Variants in ZDHHC14 observed in about 807,000 individuals in gnomAD.
ZDHHC14 encodes the protein palmitoyltransferase ZDHHC14.
ZDHHC14 carries 16 observed loss-of-function variants against 47.7 expected under a neutral mutation model. The ratio of observed to expected loss-of-function variants is 0.34; its 90% CI spans 0.23 to 0.51. The LOEUF is 0.51. ZDHHC14 is among the 20% of genes least tolerant of loss of function. ZDHHC14 has a pLI of 0.97. For missense variants in ZDHHC14, 515 were observed against 662.5 expected (o/e 0.78, Z 2.44); for synonymous variants, 293 against 278.9 (o/e 1.05, Z -0.50).
chr6:157,511,479 C>T (rs894066108), intron 1 of ZDHHC14, among the ~76,000 whole-genome samples: 4 of 150,958 alleles, frequency 2.6e-5, no homozygotes, highest in African/African-American at 9.8e-5. Context: ...CTCCCGGGTT[C>T]AAGCGATTCT....
chr6:157,423,436 CA>C (rs1186698846), intron 1 of ZDHHC14, among the ~76,000 whole-genome samples: 90 of 152,158 alleles, frequency 5.9e-4, no homozygotes, highest in African/African-American at 2.1e-3. Flanking sequence ...GGTATAATAA[CA>C]TTATCCCTAG....
intron 1 of ZDHHC14, among the ~76,000 whole-genome samples, chr6:157,398,963 T>A (rs1777576995): frequency 6.6e-6 from 1 of 152,220 alleles, no homozygotes. Flanking sequence ...AAAAATGATT[T>A]TACTTGAAAT....
At chr6:157,431,929 A>G (rs1778346936) in intron 1 of ZDHHC14, among the ~76,000 whole-genome samples, 1 of 152,042 alleles carries the variant, frequency 6.6e-6, no homozygotes, top group Non-Finnish European at 1.5e-5. Context: ...GGGTTTTGCC[A>G]CGTTGCCCAG....
intron 7 of ZDHHC14, among the ~76,000 whole-genome samples, chr6:157,652,672 C>A (rs1777894469): frequency 6.6e-6 from 1 of 152,216 alleles, no homozygotes; most frequent in Non-Finnish European, 1.5e-5. Context: ...TTTATTCATT[C>A]CATCAAGAAG....
chr6:157,428,032 C>T (rs557666448), intron 1 of ZDHHC14, among the ~76,000 whole-genome samples: 3 of 152,026 alleles, frequency 2.0e-5, no homozygotes, highest in Admixed American at 6.5e-5. Context: ...AGAGGAATAT[C>T]GGGTTCCTGG....
At chr6:157,605,532 A>T (rs944591808) in intron 3 of ZDHHC14, among the ~76,000 whole-genome samples, 2 of 152,204 alleles carry the variant, frequency 1.3e-5, no homozygotes, top group African/African-American at 4.8e-5. Flanking sequence ...TTGCTGTGGA[A>T]CTCAGGTTCA....
At chr6:157,625,507 G>C (rs1175841583) in intron 3 of ZDHHC14, among the ~76,000 whole-genome samples, 2 of 152,266 alleles carry the variant, frequency 1.3e-5, no homozygotes, top group East Asian at 3.9e-4. Flanking sequence ...GAGAGAGAAA[G>C]ACAGTCCATG....
At chr6:157,467,163 G>T (rs549098401) in intron 1 of ZDHHC14, among the ~76,000 whole-genome samples, 147 of 152,234 alleles carry the variant, frequency 9.7e-4, no homozygotes, top group Non-Finnish European at 1.9e-3. Context: ...CACCTTTATT[G>T]AGATGTAACT....
rs199785514 is a variant in ZDHHC14, at chr6:157,570,780, TAC to T, written c.407-22194_407-22193del. Among the ~76,000 whole-genome samples, 1,219 of 150,254 alleles carry T rather than the reference TAC, an allele frequency of 8.1e-3. 26 individuals are homozygous for T. Among genetic ancestry groups the T allele is most frequent in the African/African-American group, 0.026 (1,047 of 40,780 alleles). On this transcript the variant is annotated intron_variant, in intron 2 of 8. Transcript: ENST00000359775. ...ACACACACACACACACATATATATATACACACACACACACATATATATACACA... is the reference window on the plus strand; with the variant it reads ...ACACACACACACACACATATATATATACACACACACACATATATATACACA...
chr6:157,466,434 A>G (rs1030046906), intron 1 of ZDHHC14, among the ~76,000 whole-genome samples: 1 of 152,268 alleles, frequency 6.6e-6, no homozygotes, highest in Admixed American at 6.5e-5. Context: ...GGAGGCACTC[A>G]GGAATATTTG....
At chr6:157,664,163 T>A (rs1778457336) in intron 8 of ZDHHC14, among the ~76,000 whole-genome samples, 1 of 152,176 alleles carries the variant, frequency 6.6e-6, no homozygotes, top group African/African-American at 2.4e-5. Flanking sequence ...TCCTTCAATA[T>A]CTCTCTCTCA....
At chr6:157,497,791 C>T (rs986317852) in intron 1 of ZDHHC14, among the ~76,000 whole-genome samples, 4 of 152,170 alleles carry the variant, frequency 2.6e-5, no homozygotes, top group Admixed American at 2.0e-4. Context: ...CAGTGACTTG[C>T]CCAATCATAC....
chr6:157,527,283 C>CT (rs1781192136), intron 1 of ZDHHC14, among the ~76,000 whole-genome samples: 1 of 152,196 alleles, frequency 6.6e-6, no homozygotes, highest in South Asian at 2.1e-4. Context: ...ACTCCAGGAG[C>CT]TCCCCAGCTC....
chr6:157,516,756 A>C (rs958044534), intron 1 of ZDHHC14, among the ~76,000 whole-genome samples: 1 of 152,208 alleles, frequency 6.6e-6, no homozygotes, highest in East Asian at 1.9e-4. Flanking sequence ...GGAAATGGCA[A>C]CCTTCTGTGG....
At chr6:157,426,695 G>C (rs894102739) in intron 1 of ZDHHC14, among the ~76,000 whole-genome samples, 3 of 152,182 alleles carry the variant, frequency 2.0e-5, no homozygotes, top group African/African-American at 7.2e-5. Context: ...GAAAACAGCG[G>C]TCAGGTGTGT....
At chr6:157,639,522 T>C (rs972111116) in intron 5 of ZDHHC14, among the ~76,000 whole-genome samples, 1 of 152,134 alleles carries the variant, frequency 6.6e-6, no homozygotes, top group Non-Finnish European at 1.5e-5. Context: ...GCCAGGCTAG[T>C]CTTGAACTCC....
In ZDHHC14 at chr6:157,531,090, C is replaced by T. The variant is rs35645530; in HGVS notation, c.246-11495C>T. Among the ~76,000 whole-genome samples the T allele has an allele frequency of 5.1e-3, 773 of 152,224 alleles. 3 individuals carry two copies. The highest frequency in any genetic ancestry group is 0.018 in the African/African-American group (733 of 41,534). ...AAGTGGGGTCTGCTCAGGTCCCTCT[C>T]GGTGTTCATTGCTTCACCTGCATGA... On this transcript the variant is annotated intron_variant, in intron 1 of 8. Transcript: ENST00000359775.
At chr6:157,623,063 CTTG>C (rs761386043) in intron 3 of ZDHHC14, among the ~76,000 whole-genome samples, 2 of 152,136 alleles carry the variant, frequency 1.3e-5, no homozygotes, top group African/African-American at 2.4e-5. Context: ...CTAACTCAAT[CTTG>C]TTATTTTCTA....
intron 1 of ZDHHC14, among the ~76,000 whole-genome samples, chr6:157,430,233 T>C (rs1357566272): frequency 1.4e-5 from 2 of 146,016 alleles, no homozygotes; most frequent in Non-Finnish European, 3.0e-5. Context: ...GGAGAATTGC[T>C]CAAACCTGGG....
Sources: allele counts gnomAD v4.1 joint callset (sites outside exome capture counted in the v4.1 genomes callset), GRCh38; gene constraint gnomAD v4.1.1; transcripts MANE v1.5; gene names NCBI Gene and HGNC (gene_info 2026-07-23, HGNC 2026-07-21).